NEK10: variants seen among roughly 807,000 people sequenced by gnomAD.
NEK10 encodes serine/threonine-protein kinase Nek10.
NEK10 carries 122 observed loss-of-function variants against 159.8 expected under a neutral mutation model. The ratio of observed to expected loss-of-function variants is 0.76; its 90% CI spans 0.66 to 0.89. NEK10 has a LOEUF of 0.89. Ranked by LOEUF, NEK10 falls within the 40% of genes least tolerant of loss-of-function variation. The probability of loss-of-function intolerance (pLI) is 0.00; values close to 1 mark genes in which losing one functional copy is unlikely to be tolerated. For synonymous variants in NEK10, 466 were observed against 457.1 expected (o/e 1.02, Z -0.25); for missense variants, 1,342 against 1,323.1 (o/e 1.01, Z -0.22).
In NEK10 at chr3:27,266,119, A is replaced by G. The variant is rs546609095; in HGVS notation, c.2015-9748T>C. Among the ~76,000 whole-genome samples, 4 of 152,070 alleles carry G rather than the reference A, an allele frequency of 2.6e-5. No homozygotes were observed. The South Asian group carries it at 8.3e-4, about 32-fold the overall frequency. ...TGCGCCCGGCCTACAATTTGCAAAT[A>G]TTTTCTACTAGTCTGCAGCTTATCT... is the stretch of plus-strand genomic sequence containing the variant. On this transcript the variant is annotated intron_variant, in intron 22 of 35. Coordinates refer to ENST00000691995, the MANE Select transcript of NEK10 (RefSeq NM_001394966.1).
intron 1 of NEK10, among the ~76,000 whole-genome samples, chr3:27,362,074 C>G (rs138050508): frequency 6.6e-6 from 1 of 152,018 alleles, no homozygotes; most frequent in African/African-American, 2.4e-5. Flanking sequence ...AAAAAAATGT[C>G]CAAATGAGAT....
At chr3:27,223,232 C>T (rs527699683) in intron 23 of NEK10, among the ~76,000 whole-genome samples, 1 of 152,210 alleles carries the variant, frequency 6.6e-6, no homozygotes, top group African/African-American at 2.4e-5. Context: ...CTTCCTCCAT[C>T]AACGGCTCTT....
intron 4 of NEK10, 115 bp downstream of exon 4, chr3:27,345,971 G>GGTAA (rs56104872): frequency 0.74 from 665,117 of 900,366 alleles, 246,829 homozygotes; most frequent in East Asian, 0.87. Flanking sequence ...ATTAAGAATC[G>GGTAA]CTATGGTAAA....
chr3:27,144,691 T>C (rs1239178079), intron 30 of NEK10, among the ~76,000 whole-genome samples: 1 of 152,192 alleles, frequency 6.6e-6, no homozygotes, highest in Non-Finnish European at 1.5e-5. Flanking sequence ...TTGTAAATGC[T>C]CTTTAGATAT....
rs2042459476 is a variant in NEK10, at chr3:27,284,858, T to C, written c.1893A>G (p.Leu631=). ...EKHHHFTEER[L]WKIFIQLCLA... is the part of the protein sequence containing the mutation. ...AGCATACCTGTATAAATATTTTCCA[T>C]AGTCTTTCTTCAGTAAAATGGTGAT... Residue 631 remains leucine, a synonymous_variant, in exon 21 of 36, where the codon CTA becomes CTG. Transcript: ENST00000691995. The C allele has an allele frequency of 1.3e-6, 2 of 1,583,732 alleles. No homozygotes were observed. The highest frequency in any genetic ancestry group is 1.7e-6 in the Non-Finnish European group (2 of 1,153,432).
intron 5 of NEK10, among the ~76,000 whole-genome samples, chr3:27,339,501 C>A (rs2047049109): frequency 6.6e-6 from 1 of 151,998 alleles, no homozygotes; most frequent in South Asian, 2.1e-4. Flanking sequence ...ACAATGAGGG[C>A]TGGGCACAGT....
intron 23 of NEK10, among the ~76,000 whole-genome samples, chr3:27,239,789 C>T (rs1415029800): frequency 6.6e-6 from 1 of 152,066 alleles, no homozygotes; most frequent in Non-Finnish European, 1.5e-5. Flanking sequence ...GGGTAGTGAC[C>T]ATTTGCTTTG....
chr3:27,222,553 T>A (rs1952224949), intron 23 of NEK10, among the ~76,000 whole-genome samples: 5 of 152,206 alleles, frequency 3.3e-5, no homozygotes, highest in Admixed American at 3.3e-4. Context: ...TATGTGATTG[T>A]GATTTTAGTT....
At chr3:27,298,258 G>T (rs143618647) in intron 13 of NEK10, among the ~76,000 whole-genome samples, 72 of 152,244 alleles carry the variant, frequency 4.7e-4, no homozygotes, top group South Asian at 1.5e-3. Flanking sequence ...ATGGGGGTGG[G>T]TCTTTCCTGC....
intron 23 of NEK10, among the ~76,000 whole-genome samples, chr3:27,250,252 T>G (rs1286341049): frequency 6.6e-6 from 1 of 151,896 alleles, no homozygotes; most frequent in Non-Finnish European, 1.5e-5. Flanking sequence ...AGTAGCACGA[T>G]CTCCACTCAC....
chr3:27,161,300 G>A (rs1396159852), intron 30 of NEK10, among the ~76,000 whole-genome samples: 6 of 152,194 alleles, frequency 3.9e-5, no homozygotes, highest in African/African-American at 1.4e-4. Flanking sequence ...CAACATGATA[G>A]TTTCAGGCAT....
chr3:27,218,536 C>T (rs140425302), intron 23 of NEK10, among the ~76,000 whole-genome samples: 1 of 142,030 alleles, frequency 7.0e-6, no homozygotes, highest in African/African-American at 2.6e-5. Context: ...ACCTGGGAAG[C>T]GGAGGTTGCA....
chr3:27,174,134 T>C (rs1305852270), intron 28 of NEK10, among the ~76,000 whole-genome samples: 1 of 152,232 alleles, frequency 6.6e-6, no homozygotes, highest in Non-Finnish European at 1.5e-5. Flanking sequence ...AAAGGTCATG[T>C]CCATTACTCC....
intron 26 of NEK10, among the ~76,000 whole-genome samples, chr3:27,187,522 G>C (rs1948732423): frequency 6.6e-6 from 1 of 152,150 alleles, no homozygotes; most frequent in Non-Finnish European, 1.5e-5. Flanking sequence ...AAGCGTAAGA[G>C]AGGCAGAACC....
chr3:27,112,166 G>A (rs1939664036), intron 35 of NEK10, among the ~76,000 whole-genome samples: 2 of 152,156 alleles, frequency 1.3e-5, no homozygotes, highest in Admixed American at 6.5e-5. Flanking sequence ...TGTCCAAGCA[G>A]TCTCCTCATG....
chr3:27,335,808 A>T (rs1312735638), intron 5 of NEK10, among the ~76,000 whole-genome samples: 1 of 152,170 alleles, frequency 6.6e-6, no homozygotes, highest in Admixed American at 6.5e-5. Flanking sequence ...AAATTTCTTG[A>T]AACAAATGAA....
intron 23 of NEK10, among the ~76,000 whole-genome samples, chr3:27,230,792 T>C (rs1257041159): frequency 6.6e-6 from 1 of 152,040 alleles, no homozygotes; most frequent in Non-Finnish European, 1.5e-5. Context: ...TATATATTGA[T>C]GAAAGGATTA....
intron 26 of NEK10, among the ~76,000 whole-genome samples, chr3:27,186,732 G>A (rs1258890835): frequency 1.3e-5 from 2 of 152,176 alleles, no homozygotes; most frequent in Non-Finnish European, 2.9e-5. Flanking sequence ...TAGGCACTCA[G>A]TAAATACTTG....
intron 29 of NEK10, among the ~76,000 whole-genome samples, chr3:27,167,381 T>C (rs1465494638): frequency 6.6e-6 from 1 of 152,198 alleles, no homozygotes; most frequent in East Asian, 1.9e-4. Flanking sequence ...GGCGCAGGCC[T>C]GGCACACAGT....
Sources: gnomAD v4.1 joint callset for allele counts (sites outside exome capture counted in the v4.1 genomes callset) on GRCh38, gnomAD v4.1.1 for gene constraint, MANE v1.5 for transcripts, NCBI Gene and HGNC (gene_info 2026-07-23, HGNC 2026-07-21) for gene names.